ARHGAP10: variants seen among roughly 807,000 people sequenced by gnomAD.
The protein encoded by ARHGAP10 is rho GTPase-activating protein 10.
A neutral mutation model predicts 108.6 loss-of-function variants in ARHGAP10; 87 were observed. That is an observed-to-expected ratio of 0.80 (90% CI 0.67 to 0.96). ARHGAP10 has a LOEUF of 0.96. Among genes scored for constraint, ARHGAP10 ranks in the 40% least tolerant of loss-of-function variants. The pLI, the probability that ARHGAP10 is intolerant of heterozygous loss-of-function variation, is 0.00. For synonymous variants in ARHGAP10, 347 were observed against 341.1 expected (o/e 1.02, Z -0.19); for missense variants, 939 against 954.5 (o/e 0.98, Z 0.21).
intron 6 of ARHGAP10, chr4:147,865,185 AC>A: frequency 2.6e-6 from 1 of 388,368 alleles, no homozygotes; most frequent in South Asian, 3.5e-5. Flanking sequence ...TCCCATTGCT[AC>A]ATGATCTCAA....
At chr4:147,840,926 A>G (rs1034739756) in intron 3 of ARHGAP10, among the ~76,000 whole-genome samples, 34 of 152,250 alleles carry the variant, frequency 2.2e-4, no homozygotes, top group Non-Finnish European at 5.9e-5. Flanking sequence ...TTGTTTTGCC[A>G]TGATACTCAA....
chr4:147,916,160 C>T (rs1335315291), intron 13 of ARHGAP10, among the ~76,000 whole-genome samples: 2 of 152,164 alleles, frequency 1.3e-5, no homozygotes. Flanking sequence ...TTAATGAGAT[C>T]TAATTGAAGA....
chr4:148,018,359 T>C (rs902319242), intron 18 of ARHGAP10, among the ~76,000 whole-genome samples: 2 of 152,056 alleles, frequency 1.3e-5, no homozygotes, highest in Non-Finnish European at 2.9e-5. Context: ...GGCAAATCAG[T>C]ATTATGTTTG....
chr4:147,911,957 T>C (rs1374078020), intron 12 of ARHGAP10, among the ~76,000 whole-genome samples: 2 of 150,638 alleles, frequency 1.3e-5, no homozygotes, highest in African/African-American at 4.9e-5. Context: ...TTTAAAGGAT[T>C]GTGTTCTTAG....
Position 147,766,659 on chromosome 4 carries a change from C to T in ARHGAP10, c.154+34204C>T, listed in dbSNP as rs535597763. ...GTATATACACACCCACCCACACACA[C>T]CCACACACACTGCACTCCAGCCTGG... On this transcript the variant is annotated intron_variant, in intron 1 of 22. Coordinates refer to ENST00000336498, the MANE Select transcript of ARHGAP10 (RefSeq NM_024605.4). Among the ~76,000 whole-genome samples, 3 of 139,730 alleles carry T rather than the reference C, an allele frequency of 2.1e-5. No individual in the cohort carries two copies. In the South Asian group the frequency reaches 7.2e-4, roughly 34 times the overall value. 91.7% of individuals were successfully genotyped at this position (139,730 alleles called of 152,430 possible).
At chr4:147,885,236 G>A (rs552568017) in intron 10 of ARHGAP10, among the ~76,000 whole-genome samples, 13 of 152,288 alleles carry the variant, frequency 8.5e-5, no homozygotes, top group African/African-American at 2.9e-4. Context: ...CCAAGACTGG[G>A]TAATTTATAA....
chr4:148,018,549 A>T (rs776542427), intron 18 of ARHGAP10, among the ~76,000 whole-genome samples: 7 of 151,512 alleles, frequency 4.6e-5, no homozygotes, highest in Non-Finnish European at 8.8e-5. Flanking sequence ...CAGAGAGACC[A>T]TCAGAGCATG....
At chr4:147,787,898 C>G (rs1252365537) in intron 1 of ARHGAP10, among the ~76,000 whole-genome samples, 1 of 152,136 alleles carries the variant, frequency 6.6e-6, no homozygotes, top group Non-Finnish European at 1.5e-5. Context: ...GGGTCTGTGA[C>G]TTAGAAAGTG....
At chr4:148,069,952 T>G (rs1730090947) in intron 22 of ARHGAP10, among the ~76,000 whole-genome samples, 1 of 152,194 alleles carries the variant, frequency 6.6e-6, no homozygotes, top group Non-Finnish European at 1.5e-5. Context: ...AATCCTGGTA[T>G]GAAGAACAAT....
Position 147,966,835 on chromosome 4 carries a change from A to G in ARHGAP10, c.1712A>G (p.Glu571Gly), listed in dbSNP as rs1305768300. ...GTGGAAATCTTAATTGAAAACCATG[A>G]AAAGGTAAAATTTTTTTTTTCTTTA... ...IVVEILIENH[E>G]KIFRTPPDTT... The change falls in exon 18 of 23, where the codon GAA becomes GGA. Residue 571 changes from glutamate to glycine, a missense_variant. Glu to Gly is a moderately conservative substitution (Grantham distance 98, BLOSUM62 -2). Coordinates refer to ENST00000336498, the MANE Select transcript of ARHGAP10 (RefSeq NM_024605.4). 6.4e-7 allele frequency: 1 copy of G among 1,570,588 alleles called. No individual in the cohort carries two copies. Among genetic ancestry groups the G allele is most frequent in the African/African-American group, 1.4e-5 (1 of 73,642 alleles).
intron 10 of ARHGAP10, among the ~76,000 whole-genome samples, chr4:147,885,441 C>G (rs1360492484): frequency 6.6e-6 from 1 of 152,160 alleles, no homozygotes; most frequent in Non-Finnish European, 1.5e-5. Context: ...ATGGGAAAAA[C>G]CCATTCCCAT....
chr4:147,993,175 G>GT (rs1452503196), intron 18 of ARHGAP10, among the ~76,000 whole-genome samples: 1 of 152,164 alleles, frequency 6.6e-6, no homozygotes, highest in Non-Finnish European at 1.5e-5. Flanking sequence ...TATTCTGTAA[G>GT]TTTTTCTTGA....
At chr4:147,790,208 A>G (rs996669666) in intron 1 of ARHGAP10, among the ~76,000 whole-genome samples, 7 of 152,082 alleles carry the variant, frequency 4.6e-5, no homozygotes, top group African/African-American at 1.2e-4. Flanking sequence ...CACTTGGGAC[A>G]CGGGAAGAGA....
chr4:147,901,344 A>G (rs1209217674), intron 10 of ARHGAP10, among the ~76,000 whole-genome samples: 2 of 152,232 alleles, frequency 1.3e-5, no homozygotes, highest in Non-Finnish European at 2.9e-5. Context: ...ATTTAATACT[A>G]GTGGCTGATC....
At chr4:147,860,181 G>A (rs1185461672) in intron 5 of ARHGAP10, among the ~76,000 whole-genome samples, 1 of 152,186 alleles carries the variant, frequency 6.6e-6, no homozygotes. Flanking sequence ...GGTGGCTCAC[G>A]CCTGTAATCC....
At chr4:147,932,158 A>G (rs1039029613) in intron 13 of ARHGAP10, among the ~76,000 whole-genome samples, 20 of 152,190 alleles carry the variant, frequency 1.3e-4, no homozygotes, top group African/African-American at 4.8e-4. Flanking sequence ...TAAAAAGTCA[A>G]AAAACAGATG....
intron 1 of ARHGAP10, among the ~76,000 whole-genome samples, chr4:147,805,845 A>T (rs1461043260): frequency 6.6e-6 from 1 of 152,150 alleles, no homozygotes; most frequent in Non-Finnish European, 1.5e-5. Context: ...TAACTATCTT[A>T]CTCATGTAAT....
At chr4:147,735,473 G>A (rs1418781184) in intron 1 of ARHGAP10, among the ~76,000 whole-genome samples, 1 of 152,198 alleles carries the variant, frequency 6.6e-6, no homozygotes, top group Non-Finnish European at 1.5e-5. Flanking sequence ...CAGAACACTC[G>A]AGTGTTTGAA....
At chr4:147,977,129 G>A (rs1331623093) in intron 18 of ARHGAP10, among the ~76,000 whole-genome samples, 1 of 152,214 alleles carries the variant, frequency 6.6e-6, no homozygotes, top group Non-Finnish European at 1.5e-5. Flanking sequence ...GCCTAGCTTA[G>A]TGTTTAGAAC....
Sources: allele counts gnomAD v4.1 joint callset (sites outside exome capture counted in the v4.1 genomes callset), GRCh38; gene constraint gnomAD v4.1.1; transcripts MANE v1.5; gene names NCBI Gene and HGNC (gene_info 2026-07-23, HGNC 2026-07-21).